The following CDH13 variants were observed in gnomAD, a reference collection of about 807,000 sequenced individuals.
CDH13 encodes the protein cadherin-13.
A neutral mutation model predicts 63.8 loss-of-function variants in CDH13; 24 were observed. The ratio of observed to expected loss-of-function variants is 0.38; its 90% confidence interval spans 0.27 to 0.53. The LOEUF (loss-of-function observed/expected upper bound fraction) is 0.53. CDH13 is among the 20% of genes least tolerant of loss of function. The pLI is 0.85. For synonymous variants in CDH13, 503 were observed against 355.3 expected (o/e 1.42, Z -4.67); for missense variants, 1,049 against 903.1 (o/e 1.16, Z -2.07).
intron 6 of CDH13, among the ~76,000 whole-genome samples, chr16:83,404,947 A>G (rs1423692000): frequency 2.0e-5 from 3 of 152,206 alleles, no homozygotes; most frequent in African/African-American, 7.2e-5. Flanking sequence ...TGTTGATAAC[A>G]TAGAAATGTC....
At chr16:83,080,890 T>G (rs1163926992) in intron 3 of CDH13, among the ~76,000 whole-genome samples, 3 of 129,146 alleles carry the variant, frequency 2.3e-5, no homozygotes, top group Non-Finnish European at 3.2e-5. Flanking sequence ...TTTTTTTTTT[T>G]TTTTTTTTGA....
intron 6 of CDH13, among the ~76,000 whole-genome samples, chr16:83,430,951 A>G (rs368369843): frequency 1.3e-4 from 19 of 148,384 alleles, no homozygotes; most frequent in African/African-American, 4.0e-4. Flanking sequence ...ATATCTCCCA[A>G]TGCCATCCCT....
At chr16:83,496,022 A>G (rs9924787) in intron 7 of CDH13, among the ~76,000 whole-genome samples, 3 of 149,674 alleles carry the variant, frequency 2.0e-5, no homozygotes, top group Admixed American at 1.3e-4. Context: ...ATACAAACAA[A>G]TGGAAGAACA....
chr16:83,646,712 A>AAAAAAAAAAAAAAACAC (rs1168012793), intron 8 of CDH13, among the ~76,000 whole-genome samples: 2 of 80,526 alleles, frequency 2.5e-5, no homozygotes, highest in Non-Finnish European at 4.9e-5. Flanking sequence ...AAAAAAAAAA[A>AAAAAAAAAAAAAAACAC]ACACACACAC....
At chr16:83,529,983 A>C (rs553042363) in intron 7 of CDH13, among the ~76,000 whole-genome samples, 6 of 152,278 alleles carry the variant, frequency 3.9e-5, no homozygotes, top group African/African-American at 1.4e-4. Flanking sequence ...GGGGTCGGGT[A>C]AGAATCTAGT....
chr16:82,842,092 ATATATATATATATATATATG>A (rs1428030888), intron 1 of CDH13, among the ~76,000 whole-genome samples: 705 of 30,878 alleles, frequency 0.023, 34 homozygotes, highest in Admixed American at 0.14. Context: ...TGCATTCTAC[ATATATATATATATATATATG>A]TATATATATA....
intron 7 of CDH13, among the ~76,000 whole-genome samples, chr16:83,526,243 G>GT (rs753600689): frequency 6.6e-6 from 1 of 152,068 alleles, no homozygotes; most frequent in African/African-American, 2.4e-5. Flanking sequence ...GTTTTGTTTT[G>GT]TTTTTTTCCT....
chr16:83,675,017 C>T (rs1483637556), intron 9 of CDH13, among the ~76,000 whole-genome samples: 1 of 152,180 alleles, frequency 6.6e-6, no homozygotes, highest in Non-Finnish European at 1.5e-5. Context: ...CCATGTGGGT[C>T]AACTTTTCCA....
At chr16:83,586,906 A>C (rs1363554332) in intron 7 of CDH13, among the ~76,000 whole-genome samples, 1 of 152,182 alleles carries the variant, frequency 6.6e-6, no homozygotes, top group Non-Finnish European at 1.5e-5. Flanking sequence ...CAGATGATTT[A>C]GAATTAGTTC....
intron 4 of CDH13, among the ~76,000 whole-genome samples, chr16:83,172,506 C>T (rs1251780913): frequency 6.6e-6 from 1 of 151,662 alleles, no homozygotes; most frequent in Non-Finnish European, 1.5e-5. Context: ...AAAAAAAAAG[C>T]TAAAAACACA....
chr16:83,392,449 G>T (rs2091806627), intron 6 of CDH13, among the ~76,000 whole-genome samples: 1 of 152,190 alleles, frequency 6.6e-6, no homozygotes, highest in African/African-American at 2.4e-5. Context: ...CTATTTCATG[G>T]ATTTTAGAGA....
intron 6 of CDH13, among the ~76,000 whole-genome samples, chr16:83,406,741 C>T (rs1409170848): frequency 6.6e-6 from 1 of 152,192 alleles, no homozygotes; most frequent in African/African-American, 2.4e-5. Flanking sequence ...GCTGGGATTA[C>T]AGGTGTGAGC....
intron 6 of CDH13, among the ~76,000 whole-genome samples, chr16:83,386,528 G>T (rs766026511): frequency 6.6e-6 from 1 of 152,134 alleles, no homozygotes; most frequent in South Asian, 2.1e-4. Context: ...AAATAAGTGG[G>T]ATTTTTCAGT....
chr16:82,813,567 A>C (rs1257442885), intron 1 of CDH13, among the ~76,000 whole-genome samples: 2 of 152,138 alleles, frequency 1.3e-5, no homozygotes, highest in Non-Finnish European at 2.9e-5. Context: ...AAAAGGCTTC[A>C]AAAAGGTAGT....
chr16:82,695,267 G>A (rs1204886313), intron 1 of CDH13, among the ~76,000 whole-genome samples: 3 of 152,174 alleles, frequency 2.0e-5, no homozygotes, highest in Admixed American at 6.5e-5. Flanking sequence ...GTCTCCCTCT[G>A]TGTGGTGTTT....
At chr16:82,843,877 T>C (rs1000643716) in intron 1 of CDH13, among the ~76,000 whole-genome samples, 1 of 152,228 alleles carries the variant, frequency 6.6e-6, no homozygotes, top group Non-Finnish European at 1.5e-5. Context: ...TCTGTGACTA[T>C]GCACCATCAG....
rs140204436 is a variant in CDH13 at position 82,688,464 on chromosome 16, C to T, written c.45+61327C>T. Among the ~76,000 whole-genome samples, 409 of 152,334 alleles carry T rather than the reference C, an allele frequency of 2.7e-3. 2 individuals carry two copies. Among genetic ancestry groups the T allele is most frequent in the Admixed American group, 4.1e-3 (62 of 15,308 alleles). ...TCACAAGTTCAGCCCTGGTCATCAC[C>T]ATTCAAGACTCTGAAGTCTATCAAA... is the stretch of plus-strand genomic sequence containing the variant. On this transcript the variant is annotated intron_variant, in intron 1 of 13. Transcript: ENST00000567109.
chr16:83,681,658 G>A (rs945999858), intron 10 of CDH13, among the ~76,000 whole-genome samples: 5 of 152,020 alleles, frequency 3.3e-5, no homozygotes, highest in Admixed American at 1.3e-4. Context: ...TAACATCACC[G>A]ACAGGTTGAG....
chr16:82,914,134 C>A (rs1022439993), intron 2 of CDH13, among the ~76,000 whole-genome samples: 1 of 152,098 alleles, frequency 6.6e-6, no homozygotes, highest in African/African-American at 2.4e-5. Flanking sequence ...TTTCTTCTAG[C>A]GATCTGACAA....
Sources: allele counts gnomAD v4.1 joint callset (sites outside exome capture counted in the v4.1 genomes callset), GRCh38; gene constraint gnomAD v4.1.1; transcripts MANE v1.5; gene names NCBI Gene and HGNC (gene_info 2026-07-23, HGNC 2026-07-21).